The following ZNF385D variants were observed in gnomAD, a reference collection of about 807,000 sequenced individuals.
ZNF385D encodes zinc finger protein 659.
ZNF385D carries 15 observed loss-of-function variants against 35.8 expected under a neutral mutation model. That is an observed-to-expected ratio of 0.42 (90% CI 0.28 to 0.64). ZNF385D has a LOEUF of 0.64. Ranked by LOEUF, ZNF385D falls within the 30% of genes least tolerant of loss-of-function variation. The pLI is 0.23. For missense variants in ZNF385D, 474 were observed against 494.6 expected, an observed-to-expected ratio of 0.96 and a Z score of 0.39; for synonymous variants, 212 against 186.8, an observed-to-expected ratio of 1.13 and a Z score of -1.10.
Position 22,076,583 on chromosome 3 carries a change from A to G in ZNF385D, c.325+92234T>C, listed in dbSNP as rs560549256. ...AACTACAATTACGTATCTATTTGTA[A>G]TTGTTTATGTTTCCTAGCCCAATTG... is the stretch of plus-strand genomic sequence containing the variant. On this transcript the variant is annotated intron_variant, in intron 3 of 5. Coordinates refer to the ZNF385D transcript ENST00000494108. 1.3e-4 allele frequency among the ~76,000 whole-genome samples: 20 copies of G among 152,036 alleles called. 1 individual carries two copies. The highest frequency in any genetic ancestry group is 9.2e-4 in the Admixed American group (14 of 15,216).
intron 3 of ZNF385D, among the ~76,000 whole-genome samples, chr3:22,087,388 A>G (rs1325200572): frequency 6.6e-6 from 1 of 152,174 alleles, no homozygotes; most frequent in African/African-American, 2.4e-5. Context: ...TCCCTTAAAA[A>G]CATATATGTT....
At chr3:22,174,233 G>C (rs1002567413) in intron 2 of ZNF385D, among the ~76,000 whole-genome samples, 1 of 152,142 alleles carries the variant, frequency 6.6e-6, no homozygotes, top group Non-Finnish European at 1.5e-5. Context: ...TGCAAATAGT[G>C]TGTTTTATCT....
intron 1 of ZNF385D, among the ~76,000 whole-genome samples, chr3:21,728,280 A>ATAG (rs61204552): frequency 1.3e-4 from 2 of 15,410 alleles, no homozygotes. Flanking sequence ...AACTTAAAGT[A>ATAG]TAATAATAAT....
At chr3:21,893,611 C>G (rs1698991583) in intron 3 of ZNF385D, among the ~76,000 whole-genome samples, 1 of 152,116 alleles carries the variant, frequency 6.6e-6, no homozygotes, top group Non-Finnish European at 1.5e-5. Context: ...TCATTCAAAT[C>G]AGTTATCGTT....
intron 1 of ZNF385D, among the ~76,000 whole-genome samples, chr3:21,744,010 T>C (rs1575576093): frequency 6.6e-6 from 1 of 152,326 alleles, no homozygotes; most frequent in East Asian, 1.9e-4. Context: ...CTGTTACAAA[T>C]AATCTTCCAT....
chr3:22,185,352 T>C (rs1197506612), intron 2 of ZNF385D, among the ~76,000 whole-genome samples: 1 of 152,226 alleles, frequency 6.6e-6, no homozygotes, highest in Admixed American at 6.5e-5. Flanking sequence ...ACAACTATTA[T>C]TGCAGGCTTA....
At position 22,063,101 on chromosome 3, in the gene ZNF385D, A is replaced by T. The variant is rs867668751; in HGVS notation, c.325+105716T>A. Among the ~76,000 whole-genome samples, 8 of 152,208 alleles carry T rather than the reference A, an allele frequency of 5.3e-5. No homozygotes were observed. In the South Asian group the frequency reaches 1.7e-3, roughly 31 times the overall value. On this transcript the variant is annotated intron_variant, in intron 3 of 5. Transcript: ENST00000494108. ...AGCAATGTGTAACTAATACAGAGATATAAGGTACTTTTCTCACTAAAAGAA... is the reference window on the plus strand; with the variant it reads ...AGCAATGTGTAACTAATACAGAGATTTAAGGTACTTTTCTCACTAAAAGAA...
At chr3:22,352,297 A>T (rs1695951872) in intron 2 of ZNF385D, among the ~76,000 whole-genome samples, 1 of 152,194 alleles carries the variant, frequency 6.6e-6, no homozygotes. Flanking sequence ...ACTTATGAAC[A>T]TGTTCAATTA....
intron 3 of ZNF385D, among the ~76,000 whole-genome samples, chr3:21,785,269 T>C (rs1410978732): frequency 2.0e-5 from 3 of 152,216 alleles, no homozygotes; most frequent in African/African-American, 7.2e-5. Flanking sequence ...AAAAATTATA[T>C]ATATATATGG....
intron 2 of ZNF385D, among the ~76,000 whole-genome samples, chr3:22,190,130 G>C (rs1478805216): frequency 6.6e-6 from 1 of 152,142 alleles, no homozygotes; most frequent in African/African-American, 2.4e-5. Flanking sequence ...CACAGTTTGA[G>C]ATTTTATATT....
chr3:21,685,719 G>A (rs1372545036), intron 1 of ZNF385D, among the ~76,000 whole-genome samples: 3 of 152,152 alleles, frequency 2.0e-5, no homozygotes, highest in African/African-American at 4.8e-5. Flanking sequence ...TTAGTAATTG[G>A]CATTACCTAA....
Position 21,785,026 on chromosome 3 carries a change from C to CACATAGCA in ZNF385D, c.326-119999_326-119998insTGCTATGT, listed in dbSNP as rs1327840082. On this transcript the variant is annotated intron_variant, in intron 3 of 5. Transcript: ENST00000494108. ...ACTCACTCACCTCTTCCTAGTTTAG[C>CACATAGCA]TCTAACATAGATGCACACACACAAT... 5.3e-5 allele frequency among the ~76,000 whole-genome samples: 8 copies of CACATAGCA among 152,226 alleles called. 1 individual carries two copies. Among genetic ancestry groups the CACATAGCA allele is most frequent in the East Asian group, 1.9e-4 (1 of 5,174 alleles).
chr3:22,216,313 C>A (rs1226817061), intron 2 of ZNF385D, among the ~76,000 whole-genome samples: 6 of 151,986 alleles, frequency 3.9e-5, no homozygotes, highest in African/African-American at 1.2e-4. Flanking sequence ...CAGCTTGGAT[C>A]TCAGACTTTC....
chr3:22,288,528 T>C (rs1220001681), intron 2 of ZNF385D, among the ~76,000 whole-genome samples: 2 of 152,102 alleles, frequency 1.3e-5, no homozygotes, highest in African/African-American at 2.4e-5. Flanking sequence ...CATTAGATTT[T>C]TCTATTCATT....
rs1704004824 is a variant in ZNF385D at position 22,318,163 on chromosome 3, T to C, written c.106+54287A>G. On this transcript the variant is annotated intron_variant, in intron 2 of 5. Transcript: ENST00000494108. ...AATGTAAGGCAAGATTCTGAGGAAA[T>C]TACAATACTGAAATGCTAGGGGTGG... is the stretch of plus-strand genomic sequence containing the variant. Among the ~76,000 whole-genome samples, 3 of 152,008 alleles carry C rather than the reference T, an allele frequency of 2.0e-5. No individual in the cohort carries two copies. In the South Asian group the frequency reaches 6.2e-4, roughly 32 times the overall value.
At chr3:21,427,444 G>A (rs938108360) in intron 5 of ZNF385D, among the ~76,000 whole-genome samples, 1 of 152,126 alleles carries the variant, frequency 6.6e-6, no homozygotes, top group Non-Finnish European at 1.5e-5. Flanking sequence ...TTGGTAGCTG[G>A]TGTTTCATAG....
chr3:21,546,977 A>G (rs374415598), intron 3 of ZNF385D, among the ~76,000 whole-genome samples: 24 of 152,090 alleles, frequency 1.6e-4, no homozygotes, highest in African/African-American at 4.8e-4. Flanking sequence ...GGTATCTGAT[A>G]GGAAGAGAAG....
At chr3:22,235,814 A>G (rs1699146812) in intron 2 of ZNF385D, among the ~76,000 whole-genome samples, 2 of 152,138 alleles carry the variant, frequency 1.3e-5, no homozygotes, top group African/African-American at 4.8e-5. Context: ...AGGAGTGCAA[A>G]TTGGTACTAT....
chr3:21,619,967 G>A (rs1013319229), intron 2 of ZNF385D, among the ~76,000 whole-genome samples: 1 of 152,112 alleles, frequency 6.6e-6, no homozygotes, highest in Admixed American at 6.6e-5. Context: ...TGGGCATGAA[G>A]AGGGTACTGA....
Sources: allele counts gnomAD v4.1 joint callset (sites outside exome capture counted in the v4.1 genomes callset), GRCh38; gene constraint gnomAD v4.1.1; transcripts MANE v1.5; gene names NCBI Gene and HGNC (gene_info 2026-07-23, HGNC 2026-07-21).